Variants in HPSE2 observed in about 807,000 individuals in gnomAD.
HPSE2 encodes the protein heparanase 2 (inactive).
HPSE2 carries 38 observed loss-of-function variants against 60.5 expected under a neutral mutation model. That is an observed-to-expected ratio of 0.63 (90% CI 0.48 to 0.82). HPSE2 has a LOEUF of 0.82. HPSE2 is among the 40% of genes least tolerant of loss of function. The probability of loss-of-function intolerance (pLI) is 0.00; values close to 1 mark genes in which losing one functional copy is unlikely to be tolerated. For missense variants in HPSE2, 713 were observed against 740.4 expected, an observed-to-expected ratio of 0.96 and a Z score of 0.43; for synonymous variants, 295 against 293.2, an observed-to-expected ratio of 1.01 and a Z score of -0.06.
chr10:99,185,819 G>C (rs1484184290), intron 2 of HPSE2, among the ~76,000 whole-genome samples: 1 of 151,896 alleles, frequency 6.6e-6, no homozygotes, highest in East Asian at 1.9e-4. Context: ...AGGTGGGGCA[G>C]GGAGGAATGA....
intron 11 of HPSE2, among the ~76,000 whole-genome samples, chr10:98,479,625 G>A (rs926724809): frequency 3.3e-5 from 5 of 152,194 alleles, no homozygotes; most frequent in African/African-American, 9.6e-5. Flanking sequence ...AGCCAATGAG[G>A]TCTAGAATAG....
At chr10:99,252,976 C>T in the HPSE2 span, among the ~76,000 whole-genome samples, 2 of 151,550 alleles carry the variant, frequency 1.3e-5, no homozygotes, top group Admixed American at 1.3e-4. Context: ...TAAAAGCAAT[C>T]ACAGATGACA....
At chr10:98,831,823 C>T (rs1951689372) in intron 3 of HPSE2, among the ~76,000 whole-genome samples, 1 of 152,152 alleles carries the variant, frequency 6.6e-6, no homozygotes, top group Non-Finnish European at 1.5e-5. Flanking sequence ...AGAAGTACTG[C>T]TCCTCAGAGC....
intron 3 of HPSE2, among the ~76,000 whole-genome samples, chr10:99,078,631 C>A (rs954370386): frequency 6.6e-6 from 1 of 152,088 alleles, no homozygotes; most frequent in Non-Finnish European, 1.5e-5. Context: ...TTGGTTGAAT[C>A]CATGGATGCA....
chr10:98,947,732 G>A (rs997418610), intron 3 of HPSE2, among the ~76,000 whole-genome samples: 1 of 111,846 alleles, frequency 8.9e-6, no homozygotes, highest in African/African-American at 2.6e-5. Context: ...CCCTATCTAT[G>A]AAGCTGCTAA....
chr10:98,983,289 T>G (rs980152446), intron 3 of HPSE2, among the ~76,000 whole-genome samples: 5 of 152,208 alleles, frequency 3.3e-5, no homozygotes, highest in African/African-American at 1.2e-4. Context: ...TCTAACTAGA[T>G]GGTCCCATCT....
intron 3 of HPSE2, among the ~76,000 whole-genome samples, chr10:99,078,670 G>C (rs1018294176): frequency 1.3e-5 from 2 of 152,116 alleles, no homozygotes; most frequent in African/African-American, 4.8e-5. Flanking sequence ...GGCCAACACT[G>C]TATCTCCAAT....
intron 9 of HPSE2, among the ~76,000 whole-genome samples, chr10:98,572,488 C>T (rs1944525219): frequency 1.3e-5 from 2 of 152,212 alleles, no homozygotes; most frequent in South Asian, 2.1e-4. Flanking sequence ...CACACACGCT[C>T]ATGTGCATTA....
At chr10:99,312,976 A>G in the HPSE2 span, among the ~76,000 whole-genome samples, 401 of 152,254 alleles carry the variant, frequency 2.6e-3, 2 homozygotes, top group African/African-American at 9.3e-3. Context: ...GTGAATTCTC[A>G]TGAGATCTAG....
intron 4 of HPSE2, among the ~76,000 whole-genome samples, chr10:98,740,248 T>C (rs1367144571): frequency 6.6e-6 from 1 of 151,400 alleles, no homozygotes; most frequent in Non-Finnish European, 1.5e-5. Context: ...TGATCATGGC[T>C]CACTGCAGCC....
chr10:98,497,821 T>C lies in HPSE2; in HGVS notation c.1321-7625A>G, dbSNP rs183235553. 5.3e-5 allele frequency among the ~76,000 whole-genome samples: 8 copies of C among 152,316 alleles called. No homozygotes were observed. In the East Asian group the frequency reaches 1.5e-3, roughly 29 times the overall value. ...GAATGAGATCATTTTCTTGTAGCAC[T>C]GTTGCAGAGAATTTTGAAGCTAGCA... On this transcript the variant is annotated intron_variant, in intron 9 of 11. Coordinates refer to ENST00000370552, the MANE Select transcript of HPSE2 (RefSeq NM_021828.5).
intron 3 of HPSE2, among the ~76,000 whole-genome samples, chr10:98,753,851 C>T (rs759261746): frequency 7.9e-5 from 12 of 152,094 alleles, no homozygotes; most frequent in Non-Finnish European, 1.8e-4. Flanking sequence ...AGCAAAAAAC[C>T]CTATCCAAAT....
intron 9 of HPSE2, among the ~76,000 whole-genome samples, chr10:98,519,221 G>A (rs962732122): frequency 1.3e-5 from 2 of 152,200 alleles, no homozygotes; most frequent in Non-Finnish European, 2.9e-5. Flanking sequence ...AACATTTGCT[G>A]AGCACCTGTG....
chr10:98,940,981 A>G (rs1954979978), intron 3 of HPSE2, among the ~76,000 whole-genome samples: 1 of 129,168 alleles, frequency 7.7e-6, no homozygotes, highest in African/African-American at 3.6e-5. Flanking sequence ...AAAGACAAAA[A>G]CCACATGATT....
chr10:99,013,907 C>A, intron 3 of HPSE2: 1 of 423,960 alleles, frequency 2.4e-6, no homozygotes, highest in Admixed American at 2.8e-5. Context: ...CTTTTGTGCT[C>A]CTGGTGATTG....
At chr10:98,679,360 A>G (rs1442549859) in intron 6 of HPSE2, among the ~76,000 whole-genome samples, 3 of 152,144 alleles carry the variant, frequency 2.0e-5, no homozygotes, top group Non-Finnish European at 4.4e-5. Context: ...TGCCTTTTTC[A>G]TTCTCACCTC....
At chr10:98,525,715 G>A (rs1382663405) in intron 9 of HPSE2, among the ~76,000 whole-genome samples, 2 of 152,162 alleles carry the variant, frequency 1.3e-5, no homozygotes, top group South Asian at 4.1e-4. Context: ...GCAAGTGCAG[G>A]AAGTGAAATA....
chr10:98,548,523 A>T (rs1464500424), intron 9 of HPSE2, among the ~76,000 whole-genome samples: 1 of 152,170 alleles, frequency 6.6e-6, no homozygotes, highest in African/African-American at 2.4e-5. Context: ...AGGCTGAGGC[A>T]GGAGAATCAC....
At chr10:99,035,975 G>A (rs561909353) in intron 3 of HPSE2, among the ~76,000 whole-genome samples, 29 of 152,260 alleles carry the variant, frequency 1.9e-4, no homozygotes, top group African/African-American at 6.0e-4. Flanking sequence ...ACATTGGAAG[G>A]CCAATGCAGA....
Sources: gnomAD v4.1 joint callset for allele counts (sites outside exome capture counted in the v4.1 genomes callset) on GRCh38, gnomAD v4.1.1 for gene constraint, MANE v1.5 for transcripts, NCBI Gene and HGNC (gene_info 2026-07-23, HGNC 2026-07-21) for gene names.